ACOXL: variants seen among roughly 807,000 people sequenced by gnomAD.
The protein encoded by ACOXL is acyl-CoA oxidase like, also known as acyl-coenzyme A oxidase-like protein.
ACOXL carries 70 observed loss-of-function variants against 71.9 expected under a neutral mutation model. The observed-to-expected ratio is 0.97, with a 90% CI of 0.80 to 1.19. ACOXL has a LOEUF of 1.19. Ranked by LOEUF, ACOXL falls within the 50% of genes most tolerant of loss-of-function variation. ACOXL has a pLI of 0.00. For missense variants in ACOXL, 703 were observed against 736.3 expected, an observed-to-expected ratio of 0.95 and a Z score of 0.52; for synonymous variants, 253 against 281.6, an observed-to-expected ratio of 0.90 and a Z score of 1.02.
chr2:110,937,759 A>T (rs571257590), intron 12 of ACOXL, among the ~76,000 whole-genome samples: 1 of 152,284 alleles, frequency 6.6e-6, no homozygotes, highest in East Asian at 1.9e-4. Context: ...AATATATTTC[A>T]ACACACATTT....
chr2:110,964,203 T>G (rs1243540249), intron 12 of ACOXL, among the ~76,000 whole-genome samples: 1 of 152,204 alleles, frequency 6.6e-6, no homozygotes, highest in Non-Finnish European at 1.5e-5. Context: ...ATAATTCTAC[T>G]TCTGGGCTGT....
At position 111,069,301 on chromosome 2, in the gene ACOXL, G is replaced by A. The variant is rs140735810; in HGVS notation, c.1440+20013G>A. On this transcript the variant is annotated intron_variant, in intron 16 of 17. Transcript: ENST00000439055. ...TGAGTAGCTGGGATTACAGGTATGCGCCATCACATCTAGCTAACTTTTGTA... is the reference window on the plus strand; with the variant it reads ...TGAGTAGCTGGGATTACAGGTATGCACCATCACATCTAGCTAACTTTTGTA... Among the ~76,000 whole-genome samples the A allele has an allele frequency of 7.9e-3, 1,194 of 151,928 alleles. 18 individuals are homozygous for A. The highest frequency in any genetic ancestry group is 0.027 in the African/African-American group (1,109 of 41,456).
intron 13 of ACOXL, among the ~76,000 whole-genome samples, chr2:110,989,666 A>C (rs2063088073): frequency 6.6e-6 from 1 of 152,210 alleles, no homozygotes; most frequent in African/African-American, 2.4e-5. Context: ...GTTTGGGAAG[A>C]TGAAAACGTT....
chr2:110,989,181 G>A (rs2063068053), intron 13 of ACOXL, among the ~76,000 whole-genome samples: 1 of 152,026 alleles, frequency 6.6e-6, no homozygotes, highest in Non-Finnish European at 1.5e-5. Flanking sequence ...TTTGAGGAAG[G>A]GATCTAATTT....
chr2:110,852,408 C>T (rs1431726308), intron 10 of ACOXL, among the ~76,000 whole-genome samples: 1 of 152,190 alleles, frequency 6.6e-6, no homozygotes, highest in East Asian at 1.9e-4. Flanking sequence ...CAGCTTCAGG[C>T]TCTCGACTTC....
In ACOXL at chr2:111,049,079, G is replaced by C; in HGVS notation, c.1370-139G>C. On this transcript the variant is annotated intron_variant, in intron 15 of 17. Coordinates refer to ENST00000439055, the MANE Select transcript of ACOXL (RefSeq NM_001142807.4). ...CCCCTGACCCATGCAGGGGACAGTT[G>C]GGGAGCTCTGCCATGTCACCAAGGA... The C allele has an allele frequency of 5.8e-6, 4 of 692,352 alleles. No homozygotes were observed. The Admixed American group carries it at 9.7e-5, about 17-fold the overall frequency. The allele number at this position is 692,352 out of a possible 1,614,324, so 42.9% of individuals were successfully genotyped here.
At chr2:110,801,614 C>G (rs200520836) in intron 7 of ACOXL, 38 bp from the exon 8 acceptor site, 1 of 1,568,466 alleles carries the variant, frequency 6.4e-7, no homozygotes, top group Non-Finnish European at 8.8e-7. Flanking sequence ...GAAAATACTT[C>G]TGATGCTGCA....
At chr2:110,765,559 C>A (rs1203386461) in intron 1 of ACOXL, among the ~76,000 whole-genome samples, 4 of 152,048 alleles carry the variant, frequency 2.6e-5, no homozygotes, top group Non-Finnish European at 4.4e-5. Flanking sequence ...GATCAGGTTG[C>A]CTTTAGATAA....
chr2:110,966,522 C>T (rs1446792896), intron 12 of ACOXL, among the ~76,000 whole-genome samples: 3 of 152,218 alleles, frequency 2.0e-5, no homozygotes, highest in Admixed American at 6.5e-5. Context: ...GATCAAGTAG[C>T]GTGCAGCAGA....
chr2:110,810,837 T>C (rs1687234026), intron 9 of ACOXL, among the ~76,000 whole-genome samples: 1 of 152,234 alleles, frequency 6.6e-6, no homozygotes, highest in Non-Finnish European at 1.5e-5. Context: ...AGATGTTTAA[T>C]TGACTCAAAC....
At chr2:110,747,151 A>G (rs116552178) in intron 1 of ACOXL, among the ~76,000 whole-genome samples, 44 of 152,134 alleles carry the variant, frequency 2.9e-4, no homozygotes, top group Non-Finnish European at 5.4e-4. Context: ...GCTTGTTGAA[A>G]CTGTGCTGGG....
chr2:110,746,091 C>G (rs1318740759), intron 1 of ACOXL, among the ~76,000 whole-genome samples: 1 of 152,182 alleles, frequency 6.6e-6, no homozygotes, highest in Non-Finnish European at 1.5e-5. Flanking sequence ...ACTCTGTTCT[C>G]ACTCTACAAG....
chr2:110,913,301 A>G (rs2059712943), intron 11 of ACOXL, among the ~76,000 whole-genome samples: 1 of 152,216 alleles, frequency 6.6e-6, no homozygotes, highest in Non-Finnish European at 1.5e-5. Context: ...AAATGTGCAC[A>G]TGAGTGTTCT....
At chr2:111,098,856 T>C (rs1405133395) in intron 17 of ACOXL, 2 of 152,356 alleles carry the variant, frequency 1.3e-5, no homozygotes, top group South Asian at 4.1e-4. Flanking sequence ...CCAGGACTTA[T>C]ACCGACGCTC....
Position 111,007,671 on chromosome 2 carries a change from T to A in ACOXL, c.1281+11667T>A, listed in dbSNP as rs546084665. Among the ~76,000 whole-genome samples, 14 of 152,320 alleles carry A rather than the reference T, an allele frequency of 9.2e-5. No individual in the cohort carries two copies. The East Asian group carries it at 2.7e-3, about 29-fold the overall frequency. On this transcript the variant is annotated intron_variant, in intron 14 of 17. Coordinates refer to ENST00000439055, the MANE Select transcript of ACOXL (RefSeq NM_001142807.4). ...AGTCAATCATTTCTCCAAGGAGAGCTGGTTCTTTTTCCTAGAGAATGGTAT... is the reference window on the plus strand; with the variant it reads ...AGTCAATCATTTCTCCAAGGAGAGCAGGTTCTTTTTCCTAGAGAATGGTAT...
At chr2:110,742,912 G>A (rs1262790017) in intron 1 of ACOXL, among the ~76,000 whole-genome samples, 1 of 152,216 alleles carries the variant, frequency 6.6e-6, no homozygotes, top group Non-Finnish European at 1.5e-5. Flanking sequence ...CAAACTAGAA[G>A]AGGGGAGATT....
chr2:111,111,472 T>C (rs1282487593), intron 17 of ACOXL, among the ~76,000 whole-genome samples: 1 of 152,220 alleles, frequency 6.6e-6, no homozygotes, highest in African/African-American at 2.4e-5. Flanking sequence ...TTCTTTCTTG[T>C]TTCATGTAAA....
chr2:111,049,090 C>T, intron 15 of ACOXL, 128 bp from the exon 16 acceptor site: 1 of 748,984 alleles, frequency 1.3e-6, no homozygotes, highest in Non-Finnish European at 2.2e-6. Context: ...GGGAGCTCTG[C>T]CATGTCACCA....
intron 14 of ACOXL, among the ~76,000 whole-genome samples, chr2:111,026,925 C>T (rs755113281): frequency 6.6e-6 from 1 of 152,126 alleles, no homozygotes; most frequent in African/African-American, 2.4e-5. Flanking sequence ...AAGATAAGGT[C>T]TCCCTCTGTT....
Sources: gnomAD v4.1 joint callset for allele counts (sites outside exome capture counted in the v4.1 genomes callset) on GRCh38, gnomAD v4.1.1 for gene constraint, MANE v1.5 for transcripts, NCBI Gene and HGNC (gene_info 2026-07-23, HGNC 2026-07-21) for gene names.